ZEB2: variants seen among roughly 807,000 people sequenced by gnomAD.
ZEB2 encodes the protein zinc finger E-box binding homeobox 2, also known as zinc finger E-box-binding homeobox 2.
In ZEB2, 6 loss-of-function variants were observed where a neutral mutation model predicts 99.9. The observed-to-expected ratio is 0.06, with a 90% CI of 0.03 to 0.12. The LOEUF (loss-of-function observed/expected upper bound fraction) is 0.12. ZEB2 is among the 10% of genes least tolerant of loss of function. The pLI, the probability that ZEB2 is intolerant of heterozygous loss-of-function variation, is 1.00. For synonymous variants in ZEB2, 517 were observed against 542.5 expected, an observed-to-expected ratio of 0.95 and a Z score of 0.65; for missense variants, 969 against 1,502.8, an observed-to-expected ratio of 0.64 and a Z score of 5.87.
intron 2 of ZEB2, among the ~76,000 whole-genome samples, chr2:144,479,289 C>A (rs1428099267): frequency 6.6e-6 from 1 of 152,174 alleles, no homozygotes; most frequent in Non-Finnish European, 1.5e-5. Flanking sequence ...TCCCCGGATT[C>A]TTTTGCCATG....
At chr2:144,437,940 C>G (rs1320177759) in intron 2 of ZEB2, among the ~76,000 whole-genome samples, 1 of 152,152 alleles carries the variant, frequency 6.6e-6, no homozygotes, top group Non-Finnish European at 1.5e-5. Flanking sequence ...TTGCCCCACC[C>G]TAAACCTTGT....
intron 4 of ZEB2, among the ~76,000 whole-genome samples, chr2:144,413,269 C>G (rs921564816): frequency 6.6e-6 from 1 of 152,166 alleles, no homozygotes; most frequent in Admixed American, 6.5e-5. Context: ...GACAACATCA[C>G]AAGCAAAACA....
chr2:144,435,665 T>C (rs897795145), intron 2 of ZEB2, among the ~76,000 whole-genome samples: 14 of 152,110 alleles, frequency 9.2e-5, no homozygotes, highest in African/African-American at 2.7e-4. Flanking sequence ...AAATCTCTTA[T>C]GCTTACATGC....
chr2:144,427,288 G>A (rs746635001), intron 3 of ZEB2: 3 of 152,158 alleles, frequency 2.0e-5, no homozygotes, highest in Non-Finnish European at 2.9e-5. Flanking sequence ...AGAATGTCAA[G>A]GACAATTCCA....
At chr2:144,509,451 G>A (rs926663671) in intron 2 of ZEB2, among the ~76,000 whole-genome samples, 7 of 152,110 alleles carry the variant, frequency 4.6e-5, no homozygotes, top group African/African-American at 1.7e-4. Context: ...AAAAAATCAG[G>A]AATCTGTGTC....
At chr2:144,519,492 G>C (rs1266436199) in intron 1 of ZEB2, 1 of 158,046 alleles carries the variant, frequency 6.3e-6, no homozygotes, top group African/African-American at 2.4e-5. Context: ...AACTGACCAA[G>C]TTTTGTAATT....
chr2:144,490,073 T>A, intron 2 of ZEB2, among the ~76,000 whole-genome samples: 1 of 152,160 alleles, frequency 6.6e-6, no homozygotes. Flanking sequence ...AGTTTCCTGA[T>A]CAGTAAGCAG....
chr2:144,401,086 AATAG>A (rs1703303595), intron 7 of ZEB2, 109 bp downstream of exon 7: 1 of 944,862 alleles, frequency 1.1e-6, no homozygotes. Flanking sequence ...TGATGAAATA[AATAG>A]ATAGTTCCAA....
At chr2:144,501,246 T>C (rs1704864587) in intron 2 of ZEB2, among the ~76,000 whole-genome samples, 1 of 152,292 alleles carries the variant, frequency 6.6e-6, no homozygotes, top group East Asian at 1.9e-4. Flanking sequence ...ATTAATACAC[T>C]GCATTGGTAT....
chr2:144,429,860 T>C lies in ZEB2; in HGVS notation c.240A>G (p.Pro80=), dbSNP rs1573743852. 1.2e-6 allele frequency: 2 copies of C among 1,613,802 alleles called. No individual in the cohort carries two copies. The highest frequency in any genetic ancestry group is 1.7e-6 in the Non-Finnish European group (2 of 1,179,854). ...SSPHVSQALL[P]REEEEDEIRE... is the part of the protein sequence containing the mutation. ...TTATTTCATCTTCCTCTTCCTCTCT[T>C]GGCAACAGAGCTTGGCTCACGTGTG... is the stretch of plus-strand genomic sequence containing the variant. Residue 80 remains proline (P), a synonymous_variant, in exon 3 of 10, where the codon CCA becomes CCG. Coordinates refer to ENST00000627532, the MANE Select transcript of ZEB2 (RefSeq NM_014795.4).
intron 2 of ZEB2, among the ~76,000 whole-genome samples, chr2:144,470,161 G>A (rs1312975588): frequency 6.6e-6 from 1 of 152,140 alleles, no homozygotes; most frequent in African/African-American, 2.4e-5. Flanking sequence ...ATCTCTGAAA[G>A]ATGCTATTTA....
At chr2:144,465,024 A>C (rs75275454) in intron 2 of ZEB2, among the ~76,000 whole-genome samples, 3,954 of 152,286 alleles carry the variant, frequency 0.026, 72 homozygotes, top group Non-Finnish European at 0.042. Flanking sequence ...CATGCAACAG[A>C]AACACCTCAC....
intron 2 of ZEB2, among the ~76,000 whole-genome samples, chr2:144,465,630 T>A (rs1470838235): frequency 6.6e-6 from 1 of 152,146 alleles, no homozygotes; most frequent in Non-Finnish European, 1.5e-5. Context: ...TATCATTTGG[T>A]CCTTGACAAC....
intron 2 of ZEB2, among the ~76,000 whole-genome samples, chr2:144,472,095 GA>G (rs148106167): frequency 0.022 from 3,283 of 150,092 alleles, 120 homozygotes; most frequent in African/African-American, 0.068. Flanking sequence ...CATTTAATGG[GA>G]AAAAAAAACT....
chr2:144,456,601 G>T (rs974731008), intron 2 of ZEB2, among the ~76,000 whole-genome samples: 2 of 151,978 alleles, frequency 1.3e-5, no homozygotes, highest in African/African-American at 4.8e-5. Flanking sequence ...AAAAAATTAT[G>T]TAAAATACAA....
intron 2 of ZEB2, among the ~76,000 whole-genome samples, chr2:144,515,516 A>AAGAG (rs1190911493): frequency 7.5e-6 from 1 of 134,180 alleles, no homozygotes; most frequent in African/African-American, 2.6e-5. Context: ...AAATTAAATT[A>AAGAG]AGAGAGAGAG....
chr2:144,480,833 T>G (rs1368180282), intron 2 of ZEB2, among the ~76,000 whole-genome samples: 1 of 152,174 alleles, frequency 6.6e-6, no homozygotes, highest in Non-Finnish European at 1.5e-5. Flanking sequence ...CTGTGATAGT[T>G]TGTTTCTTTT....
chr2:144,433,463 C>G (rs998527320), intron 2 of ZEB2, among the ~76,000 whole-genome samples: 4 of 152,158 alleles, frequency 2.6e-5, no homozygotes, highest in African/African-American at 9.7e-5. Flanking sequence ...ATAAGAATTA[C>G]TGGCATGGCT....
chr2:144,475,625 A>T (rs1442655171), intron 2 of ZEB2, among the ~76,000 whole-genome samples: 1 of 152,180 alleles, frequency 6.6e-6, no homozygotes, highest in Non-Finnish European at 1.5e-5. Flanking sequence ...TCATTATTGC[A>T]TGTCATAATT....
Sources: allele counts gnomAD v4.1 joint callset (sites outside exome capture counted in the v4.1 genomes callset), GRCh38; gene constraint gnomAD v4.1.1; transcripts MANE v1.5; gene names NCBI Gene and HGNC (gene_info 2026-07-23, HGNC 2026-07-21).